Variants in REDIC1 observed in about 807,000 individuals in gnomAD.
REDIC1 encodes regulator of DNA class I crossover intermediates 1.
chr12:39,844,500 G>A, the REDIC1 span, among the ~76,000 whole-genome samples: 2 of 152,062 alleles, frequency 1.3e-5, no homozygotes, highest in South Asian at 2.1e-4. Flanking sequence ...TTCAGAGTTC[G>A]AAAATAAAAG....
chr12:39,717,331 T>C, the REDIC1 span, among the ~76,000 whole-genome samples: 2 of 151,886 alleles, frequency 1.3e-5, no homozygotes, highest in African/African-American at 2.4e-5. Context: ...GATTAACACA[T>C]ATTTTGTATG....
the REDIC1 span, among the ~76,000 whole-genome samples, chr12:39,838,735 T>C: frequency 1.3e-5 from 2 of 152,090 alleles, no homozygotes; most frequent in African/African-American, 4.8e-5. Flanking sequence ...CTTGGCCAAA[T>C]GTGCTCTCAG....
At chr12:39,714,869 G>A in the REDIC1 span, among the ~76,000 whole-genome samples, 2 of 151,844 alleles carry the variant, frequency 1.3e-5, no homozygotes, top group Non-Finnish European at 2.9e-5. Flanking sequence ...CTTCTTTTGA[G>A]AATTGTCTAT....
the REDIC1 span, among the ~76,000 whole-genome samples, chr12:39,711,573 GCATACACATGCA>G: frequency 1.4e-5 from 1 of 69,216 alleles, no homozygotes; most frequent in African/African-American, 4.1e-5. Context: ...GTGTATATGT[GCATACACATGCA>G]TGTGTATATG....
chr12:39,801,762 A>G, the REDIC1 span, among the ~76,000 whole-genome samples: 1 of 152,218 alleles, frequency 6.6e-6, no homozygotes, highest in Non-Finnish European at 1.5e-5. Context: ...CGGGCTTAGA[A>G]TCCAAAATTC....
chr12:39,701,104 AATGG>A, the REDIC1 span, among the ~76,000 whole-genome samples: 107,888 of 148,646 alleles, frequency 0.73, 40,334 homozygotes, highest in Non-Finnish European at 0.82. Context: ...TTTAAATGTA[AATGG>A]ACTAAATGCT....
At chr12:39,887,818 T>C in the REDIC1 span, among the ~76,000 whole-genome samples, 2 of 152,246 alleles carry the variant, frequency 1.3e-5, no homozygotes, top group Non-Finnish European at 2.9e-5. Flanking sequence ...TATATGTTTA[T>C]TCTTGTCATT....
chr12:39,896,426 ATATATGTATACATATATGTATATGTGTG>A, the REDIC1 span, among the ~76,000 whole-genome samples: 40 of 143,620 alleles, frequency 2.8e-4, no homozygotes, highest in African/African-American at 9.2e-4. Context: ...GTATATGTGT[ATATATGTATACATATATGTATATGTGTG>A]TATATATGTA....
At chr12:39,842,410 C>T in the REDIC1 span, among the ~76,000 whole-genome samples, 5 of 151,964 alleles carry the variant, frequency 3.3e-5, no homozygotes, top group South Asian at 2.1e-4. Context: ...TTCTACTCAG[C>T]CTTTAGTTTG....
the REDIC1 span, among the ~76,000 whole-genome samples, chr12:39,813,635 T>C: frequency 6.6e-6 from 1 of 152,232 alleles, no homozygotes; most frequent in Non-Finnish European, 1.5e-5. Context: ...AGTGACTTTT[T>C]TCAGTTCATT....
chr12:39,785,912 C>T, the REDIC1 span, among the ~76,000 whole-genome samples: 2 of 152,272 alleles, frequency 1.3e-5, no homozygotes, highest in East Asian at 3.9e-4. Context: ...GCTGAATTTA[C>T]CCAATACCTG....
chr12:39,714,512 A>G, the REDIC1 span, among the ~76,000 whole-genome samples: 695 of 151,646 alleles, frequency 4.6e-3, 3 homozygotes, highest in African/African-American at 0.015. Flanking sequence ...ATGCTGCTGT[A>G]AACGTGTGTG....
At chr12:39,891,714 A>G in the REDIC1 span, among the ~76,000 whole-genome samples, 2 of 152,180 alleles carry the variant, frequency 1.3e-5, no homozygotes, top group Non-Finnish European at 2.9e-5. Context: ...AGTTATGAAC[A>G]TGCCTTAGGT....
At chr12:39,704,135 C>A in the REDIC1 span, among the ~76,000 whole-genome samples, 1 of 151,564 alleles carries the variant, frequency 6.6e-6, no homozygotes, top group Non-Finnish European at 1.5e-5. Context: ...AGTGAACAGG[C>A]AACCTACAAA....
the REDIC1 span, among the ~76,000 whole-genome samples, chr12:39,728,892 G>C: frequency 6.6e-6 from 1 of 151,660 alleles, no homozygotes; most frequent in African/African-American, 2.4e-5. Flanking sequence ...TCTTGGGAGG[G>C]TGTATGTGTC....
the REDIC1 span, chr12:39,830,155 A>G: frequency 6.2e-7 from 1 of 1,613,736 alleles, no homozygotes; most frequent in South Asian, 1.1e-5. Flanking sequence ...ACACAGGAGG[A>G]GTCAATGACA....
the REDIC1 span, chr12:39,871,946 G>C: frequency 6.2e-7 from 1 of 1,605,518 alleles, no homozygotes; most frequent in Non-Finnish European, 8.5e-7. Context: ...TCTGCAGAAT[G>C]GTTGCACTGT....
the REDIC1 span, among the ~76,000 whole-genome samples, chr12:39,647,401 A>AT: frequency 6.6e-6 from 1 of 152,006 alleles, no homozygotes; most frequent in Non-Finnish European, 1.5e-5. Context: ...GTTAGCTATC[A>AT]TTTTTTTCCT....
the REDIC1 span, chr12:39,721,837 T>C: frequency 2.6e-5 from 4 of 152,054 alleles, no homozygotes; most frequent in Admixed American, 2.6e-4. Context: ...CAAAGGAAAA[T>C]GTTCTGTAGG....
Sources: gnomAD v4.1 joint callset for allele counts (sites outside exome capture counted in the v4.1 genomes callset) on GRCh38, gnomAD v4.1.1 for gene constraint, MANE v1.5 for transcripts, NCBI Gene and HGNC (gene_info 2026-07-23, HGNC 2026-07-21) for gene names.